The following PDE4D variants were observed in gnomAD, a reference collection of about 807,000 sequenced individuals.
The protein encoded by PDE4D is phosphodiesterase 4D, also known as 3',5'-cyclic-AMP phosphodiesterase 4D.
PDE4D carries 24 observed loss-of-function variants against 87.4 expected under a neutral mutation model. That is an observed-to-expected ratio of 0.27 (90% CI 0.20 to 0.39). The LOEUF (loss-of-function observed/expected upper bound fraction) is 0.39. PDE4D is among the 10% of genes least tolerant of loss of function. PDE4D has a pLI of 1.00. For missense variants in PDE4D, 714 were observed against 1,041.0 expected (o/e 0.69, Z 4.32); for synonymous variants, 384 against 383.2 (o/e 1.00, Z -0.02).
intron 1 of PDE4D, among the ~76,000 whole-genome samples, chr5:59,570,040 G>A (rs1821565988): frequency 6.6e-6 from 1 of 152,208 alleles, no homozygotes; most frequent in South Asian, 2.1e-4. Context: ...CCGTGAATGA[G>A]GTTAGCACAT....
At chr5:59,762,461 T>C (rs1263075214) in intron 1 of PDE4D, among the ~76,000 whole-genome samples, 1 of 142,144 alleles carries the variant, frequency 7.0e-6, no homozygotes, top group Non-Finnish European at 1.5e-5. Context: ...TATGTGTATA[T>C]GTGTATATGG....
In PDE4D at chr5:59,886,740, GA is replaced by G. The variant is rs1750215385; in HGVS notation, c.455+6427del. On this transcript the variant is annotated intron_variant, in intron 1 of 14. Transcript: ENST00000340635. ...GCACAGAGAACTCAGACCACGGCCAGAATTTAAGTGTGATTATTTCATGGGG... is the reference window on the plus strand; with the variant it reads ...GCACAGAGAACTCAGACCACGGCCAGATTTAAGTGTGATTATTTCATGGGG... 2.0e-5 allele frequency among the ~76,000 whole-genome samples: 3 copies of G among 151,998 alleles called. No individual in the cohort carries two copies. The South Asian group carries it at 6.2e-4, about 31-fold the overall frequency.
chr5:60,284,198 C>T (rs1752206132), intron 1 of PDE4D, among the ~76,000 whole-genome samples: 1 of 152,098 alleles, frequency 6.6e-6, no homozygotes, highest in Non-Finnish European at 1.5e-5. Flanking sequence ...GGTAACTATG[C>T]CTGGTAGTAT....
intron 2 of PDE4D, among the ~76,000 whole-genome samples, chr5:60,182,720 T>G (rs1311330867): frequency 2.0e-5 from 3 of 151,530 alleles, no homozygotes; most frequent in Non-Finnish European, 2.9e-5. Flanking sequence ...CTACTAAAAA[T>G]GCCAAAAAAA....
At chr5:59,553,120 A>G (rs1818382252) in intron 1 of PDE4D, among the ~76,000 whole-genome samples, 1 of 152,104 alleles carries the variant, frequency 6.6e-6, no homozygotes, top group Non-Finnish European at 1.5e-5. Context: ...ACTTTGTATC[A>G]AATGTGGAAA....
At chr5:59,266,418 G>GA (rs1467196263) in intron 1 of PDE4D, among the ~76,000 whole-genome samples, 2 of 151,810 alleles carry the variant, frequency 1.3e-5, no homozygotes, top group African/African-American at 4.8e-5. Context: ...TAGGGGTGGG[G>GA]AAAATCAGAT....
intron 1 of PDE4D, among the ~76,000 whole-genome samples, chr5:59,891,957 T>A (rs1751019637): frequency 6.6e-6 from 1 of 152,224 alleles, no homozygotes; most frequent in Admixed American, 6.5e-5. Flanking sequence ...TTGTTCAGAC[T>A]TGTGGCTTGG....
chr5:59,347,997 T>A (rs1402188789), intron 1 of PDE4D, among the ~76,000 whole-genome samples: 2 of 148,794 alleles, frequency 1.3e-5, no homozygotes, highest in Non-Finnish European at 3.0e-5. Context: ...AGTCTCTATT[T>A]ATTTTATTTA....
At chr5:60,336,859 A>C (rs2149884264) in intron 1 of PDE4D, among the ~76,000 whole-genome samples, 1 of 152,296 alleles carries the variant, frequency 6.6e-6, no homozygotes, top group South Asian at 2.1e-4. Context: ...AATTACACTG[A>C]ATTTTATATA....
At chr5:60,442,832 A>G (rs1745349877) in intron 1 of PDE4D, among the ~76,000 whole-genome samples, 1 of 152,090 alleles carries the variant, frequency 6.6e-6, no homozygotes, top group African/African-American at 2.4e-5. Flanking sequence ...GAAAGAAAAT[A>G]TAGGTGGAAT....
chr5:59,144,378 A>G (rs1405926350), intron 5 of PDE4D, among the ~76,000 whole-genome samples: 1 of 152,168 alleles, frequency 6.6e-6, no homozygotes, highest in Non-Finnish European at 1.5e-5. Context: ...ATTATTTCAT[A>G]CAAAGTGATT....
intron 1 of PDE4D, among the ~76,000 whole-genome samples, chr5:59,868,042 A>G (rs1747301009): frequency 6.6e-6 from 1 of 152,130 alleles, no homozygotes; most frequent in South Asian, 2.1e-4. Flanking sequence ...AAAAGACTGG[A>G]AAGAAAAGGT....
At chr5:60,302,072 T>A (rs887037694) in intron 1 of PDE4D, among the ~76,000 whole-genome samples, 1 of 152,250 alleles carries the variant, frequency 6.6e-6, no homozygotes, top group Non-Finnish European at 1.5e-5. Context: ...GGATTTGTTT[T>A]GTCAGTATTT....
At chr5:59,426,412 T>C (rs555949612) in intron 1 of PDE4D, among the ~76,000 whole-genome samples, 1 of 152,308 alleles carries the variant, frequency 6.6e-6, no homozygotes, top group East Asian at 1.9e-4. Context: ...CTTCCTGTCT[T>C]CTGGATCTTC....
In PDE4D at chr5:58,991,999, G is replaced by A; in HGVS notation, c.1021C>T (p.Gln341Ter). Residue 341 changes from glutamine to a stop codon, truncating the protein, a stop_gained, in exon 8 of 15, where the codon CAA becomes TAA. Coordinates refer to ENST00000340635, the MANE Select transcript of PDE4D (RefSeq NM_001104631.2). LOFTEE classifies it high-confidence loss of function. ...EFISNTFLDK[Q>*]HEVEIPSPTQ... Reference sequence around the variant, plus strand: ...GGAGAAGGAATTTCCACTTCATGTTGCTTATCTTGAGAAATTTAGAAAATG... The same window carrying A: ...GGAGAAGGAATTTCCACTTCATGTTACTTATCTTGAGAAATTTAGAAAATG... The A allele has an allele frequency of 6.5e-7, 1 of 1,549,660 alleles. No homozygotes were observed. Among genetic ancestry groups the A allele is most frequent in the Non-Finnish European group, 8.7e-7 (1 of 1,150,938 alleles).
chr5:59,961,671 A>T (rs1052990894), intron 3 of PDE4D, among the ~76,000 whole-genome samples: 8 of 152,220 alleles, frequency 5.3e-5, no homozygotes, highest in Non-Finnish European at 1.0e-4. Flanking sequence ...TTAGATGGTG[A>T]TAATTGCTAT....
intron 1 of PDE4D, among the ~76,000 whole-genome samples, chr5:59,382,274 TACA>T (rs966883292): frequency 5.9e-5 from 9 of 152,172 alleles, no homozygotes; most frequent in Admixed American, 2.0e-4. Context: ...TCCAAATATA[TACA>T]ACAACAACAA....
chr5:60,384,577 G>A (rs952339181), intron 1 of PDE4D, among the ~76,000 whole-genome samples: 12 of 152,006 alleles, frequency 7.9e-5, no homozygotes, highest in African/African-American at 2.9e-4. Flanking sequence ...TGGCTTCTAC[G>A]ACATCACTCC....
intron 5 of PDE4D, among the ~76,000 whole-genome samples, chr5:59,100,737 A>C (rs1046099853): frequency 2.0e-5 from 3 of 152,162 alleles, no homozygotes; most frequent in African/African-American, 7.2e-5. Flanking sequence ...GTCTCATTTG[A>C]TTCTAGATCC....
Sources: allele counts gnomAD v4.1 joint callset (sites outside exome capture counted in the v4.1 genomes callset), GRCh38; gene constraint gnomAD v4.1.1; transcripts MANE v1.5; gene names NCBI Gene and HGNC (gene_info 2026-07-23, HGNC 2026-07-21).